The following CALML4 variants were observed in gnomAD, a reference collection of about 807,000 sequenced individuals.
CALML4 encodes the protein calmodulin like 4.
Under a neutral mutation model 17.9 loss-of-function variants are expected in CALML4, and 16 were observed. That is an observed-to-expected ratio of 0.89 (90% CI 0.61 to 1.36). The LOEUF is 1.36. Among genes scored for constraint, CALML4 ranks in the 40% most tolerant of loss-of-function variants. The pLI is 0.00. For synonymous variants in CALML4, 86 were observed against 71.5 expected, an observed-to-expected ratio of 1.20 and a Z score of -1.02; for missense variants, 203 against 194.8, an observed-to-expected ratio of 1.04 and a Z score of -0.25.
At position 68,194,010 on chromosome 15, in the gene CALML4, C is replaced by T; in HGVS notation, c.*5G>A. The T allele has an allele frequency of 6.2e-7, 1 of 1,608,844 alleles. No individual in the cohort carries two copies. The highest frequency in any genetic ancestry group is 8.5e-7 in the Non-Finnish European group (1 of 1,175,570). ...GCCCAGGGGAGGCTCTCCCATTCTCCTCCTTCAATAGTCCCGTCCAGGAAG... is the reference window on the plus strand; with the variant it reads ...GCCCAGGGGAGGCTCTCCCATTCTCTTCCTTCAATAGTCCCGTCCAGGAAG... On this transcript the variant is annotated 3_prime_UTR_variant, in exon 5 of 5. Coordinates refer to ENST00000467889, the MANE Select transcript of CALML4 (RefSeq NM_033429.3).
At chr15:68,195,321 A>G (rs1182352934) in intron 4 of CALML4, among the ~76,000 whole-genome samples, 1 of 152,242 alleles carries the variant, frequency 6.6e-6, no homozygotes, top group Non-Finnish European at 1.5e-5. Flanking sequence ...TCTCGAAAGT[A>G]TAATCACCAT....
At chr15:68,199,189 A>G (rs1567090429) in intron 3 of CALML4, among the ~76,000 whole-genome samples, 2 of 152,052 alleles carry the variant, frequency 1.3e-5, no homozygotes, top group Non-Finnish European at 2.9e-5. Context: ...GGTTAGGAGA[A>G]TGCCTACTTC....
rs952610333 is a variant in CALML4, at chr15:68,193,950, C to CT, written c.*64dup. 4.8e-6 allele frequency: 6 copies of CT among 1,238,972 alleles called. No individual in the cohort carries two copies. The African/African-American group carries it at 9.0e-5, about 19-fold the overall frequency. The allele number at this position is 1,238,972 out of a possible 1,614,324, so 76.7% of individuals were successfully genotyped here. ...CCATCTCTCCCAAGTGAAAAGAACA[C>CT]TTTTTAAAAAAAATTAATTGCTCCA... is the stretch of plus-strand genomic sequence containing the variant. On this transcript the variant is annotated 3_prime_UTR_variant, in exon 5 of 5. Transcript: ENST00000467889.
upstream of CALML4, chr15:68,205,433 GACCC>G: frequency 6.2e-7 from 1 of 1,606,078 alleles, no homozygotes; most frequent in Admixed American, 1.7e-5. The surrounding 1 kb of genome is among the most constrained non-coding windows in gnomAD (Gnocchi z 4.8). Flanking sequence ...CACAGCTCAT[GACCC>G]GCCACCTGGG....
intron 3 of CALML4, chr15:68,198,009 A>T (rs1479517095): frequency 5.2e-6 from 1 of 191,866 alleles, no homozygotes; most frequent in Non-Finnish European, 1.1e-5. Flanking sequence ...ACCACAGTAC[A>T]TCTTACCAGG....
At position 68,204,678 on chromosome 15, in the gene CALML4, C is replaced by A. The variant is rs1349492708; in HGVS notation, c.34+443G>T. Among the ~76,000 whole-genome samples the A allele has an allele frequency of 6.6e-6, 1 of 152,168 alleles. No individual in the cohort carries two copies. The highest frequency in any genetic ancestry group is 1.5e-5 in the Non-Finnish European group (1 of 68,024). ...GGCAAAGGGGGCTCAGTGGACCCTC[C>A]ATTTTACAGATAGGGAGACTGAGGC... On this transcript the variant is annotated intron_variant, in intron 2 of 4. Transcript: ENST00000467889. This position sits in a 1 kb window ranked among gnomAD's most constrained non-coding sequence, Gnocchi z 6.0.
At position 68,200,773 on chromosome 15, in the gene CALML4, A is replaced by T. The variant is rs565582542; in HGVS notation, c.35-1092T>A. Among the ~76,000 whole-genome samples the T allele has an allele frequency of 1.8e-4, 28 of 152,238 alleles. No individual in the cohort carries two copies. Among genetic ancestry groups the T allele is most frequent in the Admixed American group, 1.8e-3 (27 of 15,296 alleles). ...TAGGTCCTTAGAGGCCTGGACAATA[A>T]TAGCCCCTTAGCTGATGACAGCAAC... On this transcript the variant is annotated intron_variant, in intron 2 of 4. Transcript: ENST00000467889. The surrounding 1 kb of genome is among the most constrained non-coding windows in gnomAD (Gnocchi z 4.3).
chr15:68,205,925 T>G, upstream of CALML4: 1 of 165,106 alleles, frequency 6.1e-6, no homozygotes, highest in Non-Finnish European at 1.3e-5. The surrounding 1 kb of genome is among the most constrained non-coding windows in gnomAD (Gnocchi z 4.8). Context: ...CACAGCCGGT[T>G]CCCATCCTGT....
At chr15:68,194,690 G>GTGCTT (rs1428661686) in intron 4 of CALML4, among the ~76,000 whole-genome samples, 3 of 152,064 alleles carry the variant, frequency 2.0e-5, no homozygotes, top group East Asian at 3.9e-4. Flanking sequence ...GGCCCACCCT[G>GTGCTT]TGCTTTTATT....
rs199952882 is a variant in CALML4, at chr15:68,197,470, T to A, written c.334A>T (p.Ser112Cys). The change falls in exon 4 of 5, where the codon AGT becomes TGT. Residue 112 changes from serine to cysteine, a missense_variant. By Grantham distance (112) the Ser-to-Cys change is moderately radical. Coordinates refer to ENST00000467889, the MANE Select transcript of CALML4 (RefSeq NM_033429.3). The surrounding 1 kb of genome is among the most constrained non-coding windows in gnomAD (Gnocchi z 4.1). The part of the protein sequence containing the change: ...MASDLRSKLT[S>C]LGEKLTHKEV... ...TTGTGGGTGAGCTTCTCCCCCAGACTCGTGAGTTTTGACCGCAGGTCGGAC... is the reference window on the plus strand; with the variant it reads ...TTGTGGGTGAGCTTCTCCCCCAGACACGTGAGTTTTGACCGCAGGTCGGAC... 209 of 1,614,084 alleles carry A rather than the reference T, an allele frequency of 1.3e-4. 2 individuals are homozygous for A. In the African/African-American group the frequency reaches 2.5e-3, roughly 19 times the overall value.
Position 68,194,074 on chromosome 15 carries a change from C to T in CALML4, c.403G>A (p.Gly135Ser). 1 of 1,614,104 alleles carries T rather than the reference C, an allele frequency of 6.2e-7. No individual in the cohort carries two copies. The highest frequency in any genetic ancestry group is 8.5e-7 in the Non-Finnish European group (1 of 1,179,958). ...LFREADIEPN[G>S]KVKYDEFIHK... ...ATAAATTCATCATACTTCACTTTGC[C>T]ATTGGGTTCGATATCTGCTTCCCTG... The change falls in exon 5 of 5, where the codon GGC becomes AGC. Residue 135 changes from glycine (G) to serine (S), a missense_variant. Coordinates refer to ENST00000467889, the MANE Select transcript of CALML4 (RefSeq NM_033429.3).
intron 2 of CALML4, among the ~76,000 whole-genome samples, chr15:68,203,173 C>A (rs1306714274): frequency 6.6e-6 from 1 of 152,182 alleles, no homozygotes; most frequent in Non-Finnish European, 1.5e-5. Context: ...TGGTTTCAAA[C>A]CCCTGACATC....
rs1170828298 is a variant in CALML4, at chr15:68,205,052, A to G, written c.34+69T>C. The G allele has an allele frequency of 6.4e-7, 1 of 1,564,634 alleles. No homozygotes were observed. The highest frequency in any genetic ancestry group is 8.8e-7 in the Non-Finnish European group (1 of 1,135,876). On this transcript the variant is annotated intron_variant, in intron 2 of 4. Coordinates refer to ENST00000467889, the MANE Select transcript of CALML4 (RefSeq NM_033429.3). The surrounding 1 kb of genome is among the most constrained non-coding windows in gnomAD (Gnocchi z 4.8). ...CCTTCCTTCCCACCAAGAAAACATGAGCAGAGCAAATTGCCTAATGAGACC... is the reference window on the plus strand; with the variant it reads ...CCTTCCTTCCCACCAAGAAAACATGGGCAGAGCAAATTGCCTAATGAGACC...
Position 68,197,852 on chromosome 15 carries a change from A to G in CALML4, c.176-224T>C, listed in dbSNP as rs956441403. 4 of 524,138 alleles carry G rather than the reference A, an allele frequency of 7.6e-6. No homozygotes were observed. Among genetic ancestry groups the G allele is most frequent in the Non-Finnish European group, 1.4e-5 (4 of 293,188 alleles). 32.5% of individuals were successfully genotyped at this position (524,138 alleles called of 1,614,324 possible). A position where few individuals can be genotyped will look rare whatever the true frequency, so the allele number is the denominator to read the frequency against. On this transcript the variant is annotated intron_variant, in intron 3 of 4. Coordinates refer to ENST00000467889, the MANE Select transcript of CALML4 (RefSeq NM_033429.3). The surrounding 1 kb of genome is among the most constrained non-coding windows in gnomAD (Gnocchi z 4.1). The stretch of plus-strand genomic sequence containing the variant: ...CTTCATTTCAGCAACGTCCTCAGTG[A>G]CGATGCTTATCATCACCCCAAAGCT...
At chr15:68,205,627 T>C (rs1228026124), upstream of CALML4, 11 of 512,378 alleles carry the variant, frequency 2.1e-5, no homozygotes, top group Non-Finnish European at 3.2e-5. This position sits in a 1 kb window ranked among gnomAD's most constrained non-coding sequence, Gnocchi z 4.8. Context: ...AGGCCCCTAC[T>C]AGAGTTGGAC....
Position 68,191,265 on chromosome 15 carries a change from CT to C in CALML4, c.*2749del, listed in dbSNP as rs1253100947. 6.6e-6 allele frequency: 1 copy of C among 152,620 alleles called. No homozygotes were observed. Among genetic ancestry groups the C allele is most frequent in the African/African-American group, 2.4e-5 (1 of 41,454 alleles). The allele number at this position is 152,620 out of a possible 1,614,324, so 9.5% of individuals were successfully genotyped here. A position where few individuals can be genotyped will look rare whatever the true frequency, so the allele number is the denominator to read the frequency against. ...AAATCTGTGATTCATTGCCTTAAAA[CT>C]TTCTCTCTTAGAATTTCCATACCGC... On this transcript the variant is annotated 3_prime_UTR_variant, in exon 5 of 5. Transcript: ENST00000467889.
At position 68,197,437 on chromosome 15, in the gene CALML4, T is replaced by TA; in HGVS notation, c.364+2dup. The TA allele has an allele frequency of 6.2e-7, 1 of 1,613,246 alleles. No individual in the cohort carries two copies. Among genetic ancestry groups the TA allele is most frequent in the Non-Finnish European group, 8.5e-7 (1 of 1,179,580 alleles). ...TGTTGGGAGACAGGACCCAGGCTGT[T>TA]ACCTTCCTTGTGGGTGAGCTTCTCC... On this transcript the variant is annotated splice_region_variant and intron_variant, in intron 4 of 4. Coordinates refer to ENST00000467889, the MANE Select transcript of CALML4 (RefSeq NM_033429.3). The surrounding 1 kb of genome is among the most constrained non-coding windows in gnomAD (Gnocchi z 4.1).
Position 68,199,700 on chromosome 15 carries a change from G to A in CALML4, c.35-19C>T, listed in dbSNP as rs2093158945. The A allele has an allele frequency of 6.2e-7, 1 of 1,608,920 alleles. No individual in the cohort carries two copies. The highest frequency in any genetic ancestry group is 8.5e-7 in the Non-Finnish European group (1 of 1,177,550). Reference sequence around the variant, plus strand: ...TTGTACTCTGCACACGGCCCAGAGGGAGGGTCAGCAGCGTCTGGTCACTCT... The same window carrying A: ...TTGTACTCTGCACACGGCCCAGAGGAAGGGTCAGCAGCGTCTGGTCACTCT... On this transcript the variant is annotated intron_variant, in intron 2 of 4. Transcript: ENST00000467889.
chr15:68,205,613 C>A (rs2093180885), upstream of CALML4: 2 of 543,882 alleles, frequency 3.7e-6, no homozygotes, highest in East Asian at 3.3e-5. The surrounding 1 kb of genome is among the most constrained non-coding windows in gnomAD (Gnocchi z 4.8). Flanking sequence ...GCGGGGATGC[C>A]ATCAGGCCCC....
Sources: gnomAD v4.1 joint callset for allele counts (sites outside exome capture counted in the v4.1 genomes callset) on GRCh38, gnomAD v4.1.1 for gene constraint, Gnocchi (gnomAD v3.1) non-coding constraint, MANE v1.5 for transcripts, NCBI Gene and HGNC (gene_info 2026-07-23, HGNC 2026-07-21) for gene names.